The following DCAF10 variants were observed in gnomAD, a reference collection of about 807,000 sequenced individuals.
The protein encoded by DCAF10 is DDB1 and CUL4 associated factor 10, also known as DDB1- and CUL4-associated factor 10.
DCAF10 carries 19 observed loss-of-function variants against 51.9 expected under a neutral mutation model. The observed-to-expected ratio is 0.37, with a 90% CI of 0.26 to 0.54. The LOEUF is 0.54. Among genes scored for constraint, DCAF10 ranks in the 20% least tolerant of loss-of-function variants. The pLI is 0.87. For missense variants in DCAF10, 510 were observed against 730.6 expected (o/e 0.70, Z 3.48); for synonymous variants, 291 against 297.1 (o/e 0.98, Z 0.21).
Position 37,861,678 on chromosome 9 carries a change from A to G in DCAF10, c.*170A>G, listed in dbSNP as rs1249115243. 30 of 885,066 alleles carry G rather than the reference A, an allele frequency of 3.4e-5. No individual in the cohort carries two copies. Among genetic ancestry groups the G allele is most frequent in the Non-Finnish European group, 4.5e-5 (27 of 601,054 alleles). 54.8% of individuals were successfully genotyped at this position (885,066 alleles called of 1,614,324 possible). On this transcript the variant is annotated 3_prime_UTR_variant, in exon 7 of 7. Transcript: ENST00000377724. This position sits in a 1 kb window ranked among gnomAD's most constrained non-coding sequence, Gnocchi z 4.9. Reference sequence around the variant, plus strand: ...TTAGTACTTGGTCATCCAGCATCATACAGGCATCTCCAAGTTAGACTCTAT... The same window carrying G: ...TTAGTACTTGGTCATCCAGCATCATGCAGGCATCTCCAAGTTAGACTCTAT...
intron 2 of DCAF10, among the ~76,000 whole-genome samples, chr9:37,831,329 A>C (rs1410205132): frequency 2.6e-5 from 4 of 152,232 alleles, no homozygotes; most frequent in Non-Finnish European, 4.4e-5. Context: ...TCTATGTGCC[A>C]AACCTTCTGT....
At chr9:37,803,563 A>G (rs539645885) in intron 1 of DCAF10, among the ~76,000 whole-genome samples, 1 of 151,494 alleles carries the variant, frequency 6.6e-6, no homozygotes, top group Admixed American at 6.6e-5. Flanking sequence ...CTGTCTCCTC[A>G]TACCCTTGGC....
rs1441719685 is a variant in DCAF10 at position 37,865,441 on chromosome 9, A to G, written c.*3933A>G. On this transcript the variant is annotated 3_prime_UTR_variant, in exon 7 of 7. Transcript: ENST00000377724. Reference sequence around the variant, plus strand: ...GGAAGAAATTACATCTTAACATTTCAAAGCCCCATTTCACTTAAGAGTAAA... The same window carrying G: ...GGAAGAAATTACATCTTAACATTTCGAAGCCCCATTTCACTTAAGAGTAAA... The G allele has an allele frequency of 6.6e-6, 1 of 152,256 alleles. No individual in the cohort carries two copies. The highest frequency in any genetic ancestry group is 1.9e-4 in the East Asian group (1 of 5,202). 9.4% of individuals were successfully genotyped at this position (152,256 alleles called of 1,614,324 possible).
intron 1 of DCAF10, among the ~76,000 whole-genome samples, chr9:37,812,286 AAGAC>A (rs1193272813): frequency 6.6e-6 from 1 of 152,220 alleles, no homozygotes; most frequent in African/African-American, 2.4e-5. Flanking sequence ...AGAAGAAAAA[AAGAC>A]AGAAATATAA....
At chr9:37,810,881 A>G (rs1829323257) in intron 1 of DCAF10, among the ~76,000 whole-genome samples, 1 of 152,156 alleles carries the variant, frequency 6.6e-6, no homozygotes, top group African/African-American at 2.4e-5. Context: ...AGTATACCCT[A>G]GGACTAAAGG....
chr9:37,848,127 G>A (rs984763957), intron 3 of DCAF10, among the ~76,000 whole-genome samples: 1 of 152,146 alleles, frequency 6.6e-6, no homozygotes, highest in African/African-American at 2.4e-5. Context: ...TGGTGGGAAT[G>A]TAAAATGGAA....
chr9:37,837,903 A>T (rs1378262541), intron 2 of DCAF10, among the ~76,000 whole-genome samples: 1 of 152,082 alleles, frequency 6.6e-6, no homozygotes, highest in African/African-American at 2.4e-5. Flanking sequence ...ATGTGCCCAT[A>T]GTCCCAGCTA....
chr9:37,815,385 C>G (rs1829493771), intron 1 of DCAF10, among the ~76,000 whole-genome samples: 10 of 152,206 alleles, frequency 6.6e-5, no homozygotes, highest in Admixed American at 5.9e-4. Context: ...TGGCTCACGC[C>G]TGTAATCCCA....
Position 37,862,989 on chromosome 9 carries a change from C to T in DCAF10, c.*1481C>T, listed in dbSNP as rs146439859. ...CTCAAGTAATCTTTATTCTGAGGGT[C>T]TCGGGATTGCAGGTTGAAAAACACA... On this transcript the variant is annotated 3_prime_UTR_variant, in exon 7 of 7. Coordinates refer to ENST00000377724, the MANE Select transcript of DCAF10 (RefSeq NM_024345.5). The T allele has an allele frequency of 6.6e-6, 1 of 152,210 alleles. No individual in the cohort carries two copies. The highest frequency in any genetic ancestry group is 2.4e-5 in the African/African-American group (1 of 41,522). 9.4% of individuals were successfully genotyped at this position (152,210 alleles called of 1,614,324 possible).
chr9:37,821,005 C>G (rs1283418630), intron 2 of DCAF10, among the ~76,000 whole-genome samples: 1 of 151,982 alleles, frequency 6.6e-6, no homozygotes, highest in Non-Finnish European at 1.5e-5. Context: ...CCTCTTTCAC[C>G]TAGCCACCCA....
At chr9:37,839,631 C>T (rs1830275211) in intron 2 of DCAF10, among the ~76,000 whole-genome samples, 1 of 152,184 alleles carries the variant, frequency 6.6e-6, no homozygotes, top group Non-Finnish European at 1.5e-5. Context: ...TACTTTCCCA[C>T]ACACAGCACT....
chr9:37,844,838 AC>A (rs1476209796), intron 3 of DCAF10, among the ~76,000 whole-genome samples: 2 of 152,048 alleles, frequency 1.3e-5, no homozygotes, highest in African/African-American at 2.4e-5. Flanking sequence ...AACAACAACA[AC>A]AAACAAAAAT....
In DCAF10 at chr9:37,854,841, A is replaced by G; in HGVS notation, c.913A>G (p.Arg305Gly). The G allele has an allele frequency of 1.2e-6, 2 of 1,614,080 alleles. No homozygotes were observed. Among genetic ancestry groups the G allele is most frequent in the Non-Finnish European group, 1.7e-6 (2 of 1,180,004 alleles). The change falls in exon 4 of 7, where the codon AGG (arginine) becomes GGG (glycine). Residue 305 changes from arginine (R) to glycine (G), a missense_variant. Around this residue, in one of 4 missense-constraint regions of DCAF10, gnomAD observed 126 missense variants for 271.5 expected, o/e 0.46. Coordinates refer to ENST00000377724, the MANE Select transcript of DCAF10 (RefSeq NM_024345.5). ...TCACACACGTTTTCTCATGCGAATGAGGTTAACACCAGATTGTTCCAAAAT... is the reference window on the plus strand; with the variant it reads ...TCACACACGTTTTCTCATGCGAATGGGGTTAACACCAGATTGTTCCAAAAT... ...FFHTRFLMRM[R>G]LTPDCSKMLI...
At position 37,816,659 on chromosome 9, in the gene DCAF10, G is replaced by GGGGTGTGTGTGTGTGTGTGTGTGTGTGT. The variant is rs372664140; in HGVS notation, c.540-2628_540-2627insGGTGTGTGTGTGTGTGTGTGTGTGTGTG. ...AATCTCAATTAACATCTGCACCTGG[G>GGGGTGTGTGTGTGTGTGTGTGTGTGTGT]GTGTGTGTGTGTGTGTGTGTGTGTG... On this transcript the variant is annotated intron_variant, in intron 1 of 6. Coordinates refer to ENST00000377724, the MANE Select transcript of DCAF10 (RefSeq NM_024345.5). Among the ~76,000 whole-genome samples the GGGGTGTGTGTGTGTGTGTGTGTGTGTGT allele has an allele frequency of 7.4e-4, 108 of 144,976 alleles. 1 individual carries two copies. Among genetic ancestry groups the GGGGTGTGTGTGTGTGTGTGTGTGTGTGT allele is most frequent in the Admixed American group, 3.3e-3 (47 of 14,322 alleles).
chr9:37,836,396 T>C, intron 2 of DCAF10: 1 of 1,608,516 alleles, frequency 6.2e-7, no homozygotes, highest in Non-Finnish European at 8.5e-7. Flanking sequence ...AAAGCAAGTC[T>C]TAAAGCCTCA....
Position 37,867,178 on chromosome 9 carries a change from G to GT in DCAF10, c.*5674dup, listed in dbSNP as rs1227965448. 17 of 152,162 alleles carry GT rather than the reference G, an allele frequency of 1.1e-4. 2 individuals are homozygous for GT. The highest frequency in any genetic ancestry group is 1.0e-3 in the Admixed American group (16 of 15,258). 9.4% of individuals were successfully genotyped at this position (152,162 alleles called of 1,614,324 possible). On this transcript the variant is annotated 3_prime_UTR_variant, in exon 7 of 7. Coordinates refer to ENST00000377724, the MANE Select transcript of DCAF10 (RefSeq NM_024345.5). ...AAATGAACTAGGGATAAAGATATGG[G>GT]TTTTATCAAAAGCCCTAAGGAATAT...
At chr9:37,803,614 G>T (rs1829023534) in intron 1 of DCAF10, among the ~76,000 whole-genome samples, 1 of 150,122 alleles carries the variant, frequency 6.7e-6, no homozygotes, top group Non-Finnish European at 1.5e-5. Flanking sequence ...TTATCAGGGT[G>T]ATGAGTGAAA....
intron 3 of DCAF10, among the ~76,000 whole-genome samples, chr9:37,852,930 TTATATATA>T (rs59469290): frequency 2.5e-4 from 27 of 109,826 alleles, no homozygotes; most frequent in Admixed American, 6.0e-4. Context: ...GTATGTGAGG[TTATATATA>T]TATATATATA....
Position 37,860,090 on chromosome 9 carries a change from T to C in DCAF10, c.1208T>C (p.Val403Ala). ...RNSLEVVTPE[V>A]LGESDHGNCI... The stretch of plus-strand genomic sequence containing the variant: ...AGTCTTGAAGTCGTAACCCCTGAAG[T>C]TCTTGGTGAGAGTGACCACGGAAAC... The change falls in exon 6 of 7, where the codon GTT becomes GCT. Residue 403 changes from valine to alanine, a missense_variant. Coordinates refer to ENST00000377724, the MANE Select transcript of DCAF10 (RefSeq NM_024345.5). 6.2e-7 allele frequency: 1 copy of C among 1,614,104 alleles called. No homozygotes were observed. The highest frequency in any genetic ancestry group is 8.5e-7 in the Non-Finnish European group (1 of 1,179,984).
Sources: gnomAD v4.1 joint callset for allele counts (sites outside exome capture counted in the v4.1 genomes callset) on GRCh38, gnomAD v4.1.1 for gene constraint, gnomAD v4.1.1 regional missense constraint, Gnocchi (gnomAD v3.1) non-coding constraint, MANE v1.5 for transcripts, NCBI Gene and HGNC (gene_info 2026-07-23, HGNC 2026-07-21) for gene names.